The following HTR2A variants were observed in gnomAD, a reference collection of about 807,000 sequenced individuals.
HTR2A encodes the protein 5-HT2 receptor.
HTR2A carries 14 observed loss-of-function variants against 31.0 expected under a neutral mutation model. The observed-to-expected ratio is 0.45, with a 90% CI of 0.30 to 0.71. The LOEUF is 0.71. HTR2A is among the 30% of genes least tolerant of loss of function. The pLI, the probability that HTR2A is intolerant of heterozygous loss-of-function variation, is 0.09. For missense variants in HTR2A, 442 were observed against 573.3 expected (o/e 0.77, Z 2.34); for synonymous variants, 209 against 225.2 (o/e 0.93, Z 0.64).
chr13:46,884,849 T>C (rs1000392619), intron 3 of HTR2A, among the ~76,000 whole-genome samples: 1 of 151,916 alleles, frequency 6.6e-6, no homozygotes, highest in Non-Finnish European at 1.5e-5. Context: ...TATCTCCACA[T>C]ATTATCACTA....
chr13:46,863,428 C>G (rs2138216807), intron 3 of HTR2A, among the ~76,000 whole-genome samples: 1 of 151,936 alleles, frequency 6.6e-6, no homozygotes, highest in African/African-American at 2.4e-5. Context: ...TTCAAGACCA[C>G]TCTGGGCAAC....
rs1054040603 is a variant in HTR2A at position 46,831,871 on chromosome 13, G to A, written c.*2966C>T. Reference sequence around the variant, plus strand: ...AGTTAATTGCTTTTTTTTGAATATAGAGGAATCTATCATTCAACTTAAAGT... The same window carrying A: ...AGTTAATTGCTTTTTTTTGAATATAAAGGAATCTATCATTCAACTTAAAGT... On this transcript the variant is annotated 3_prime_UTR_variant, in exon 4 of 4. Coordinates refer to ENST00000542664, the MANE Select transcript of HTR2A (RefSeq NM_000621.5). 6 of 152,084 alleles carry A rather than the reference G, an allele frequency of 3.9e-5. No individual in the cohort carries two copies. The highest frequency in any genetic ancestry group is 1.4e-4 in the African/African-American group (6 of 41,394). The allele number at this position is 152,084 out of a possible 1,614,324, so 9.4% of individuals were successfully genotyped here.
chr13:46,870,678 C>G (rs1950857263), intron 3 of HTR2A, among the ~76,000 whole-genome samples: 1 of 152,122 alleles, frequency 6.6e-6, no homozygotes, highest in South Asian at 2.1e-4. Context: ...TTCAGGCTAG[C>G]TTCTCTTTAC....
chr13:46,842,870 C>T (rs1270891914), intron 3 of HTR2A, among the ~76,000 whole-genome samples: 1 of 152,186 alleles, frequency 6.6e-6, no homozygotes, highest in Non-Finnish European at 1.5e-5. Flanking sequence ...TACAGTAGTC[C>T]TCCCTTAAGC....
chr13:46,886,552 G>T (rs1483256306), intron 3 of HTR2A, among the ~76,000 whole-genome samples: 1 of 152,108 alleles, frequency 6.6e-6, no homozygotes, highest in East Asian at 1.9e-4. Context: ...AAATGAAAAG[G>T]TGAGAAAATA....
intron 3 of HTR2A, among the ~76,000 whole-genome samples, chr13:46,878,481 G>A (rs548905352): frequency 2.0e-5 from 3 of 152,292 alleles, no homozygotes; most frequent in Admixed American, 6.5e-5. Flanking sequence ...GCCCTGGGAA[G>A]CACTTCATGC....
In HTR2A at chr13:46,889,621, T is replaced by C. The variant is rs1951034854; in HGVS notation, c.613+2769A>G. Among the ~76,000 whole-genome samples the C allele has an allele frequency of 2.0e-5, 3 of 152,172 alleles. No homozygotes were observed. The South Asian group carries it at 6.2e-4, about 31-fold the overall frequency. On this transcript the variant is annotated intron_variant, in intron 3 of 3. Transcript: ENST00000542664. Reference sequence around the variant, plus strand: ...TTTACCAAGAGAGTGAACATATCAATAGCTTGAAGAGAAAATATCAATTGA... The same window carrying C: ...TTTACCAAGAGAGTGAACATATCAACAGCTTGAAGAGAAAATATCAATTGA...
intron 3 of HTR2A, among the ~76,000 whole-genome samples, chr13:46,890,785 T>C (rs1455995078): frequency 1.3e-5 from 2 of 152,066 alleles, no homozygotes; most frequent in African/African-American, 4.8e-5. Flanking sequence ...TTGCTCCCTC[T>C]GCATTAATCT....
At chr13:46,881,478 G>T (rs78054651) in intron 3 of HTR2A, among the ~76,000 whole-genome samples, 5,990 of 152,286 alleles carry the variant, frequency 0.039, 158 homozygotes, top group South Asian at 0.093. Context: ...ATGAAGTATG[G>T]CAGGAACAAA....
chr13:46,893,679 T>C (rs769073971), intron 2 of HTR2A, among the ~76,000 whole-genome samples: 1 of 152,244 alleles, frequency 6.6e-6, no homozygotes, highest in Non-Finnish European at 1.5e-5. Context: ...TAGAGTGTGC[T>C]TTATGGACAT....
At chr13:46,845,531 T>C (rs1196911697) in intron 3 of HTR2A, among the ~76,000 whole-genome samples, 2 of 151,916 alleles carry the variant, frequency 1.3e-5, no homozygotes, top group East Asian at 1.9e-4. Context: ...CAAGTAGTAA[T>C]TGAGCCTACA....
intron 3 of HTR2A, among the ~76,000 whole-genome samples, chr13:46,837,750 T>C (rs777419768): frequency 3.9e-5 from 6 of 152,232 alleles, no homozygotes; most frequent in Non-Finnish European, 7.3e-5. Flanking sequence ...TCATGTCACC[T>C]CACATTGGCC....
intron 3 of HTR2A, among the ~76,000 whole-genome samples, chr13:46,865,175 C>T (rs974540385): frequency 1.3e-5 from 2 of 152,118 alleles, no homozygotes; most frequent in Non-Finnish European, 2.9e-5. Context: ...TCACTCACTT[C>T]CTGGTATTAT....
At position 46,891,594 on chromosome 13, in the gene HTR2A, C is replaced by G. The variant is rs564411138; in HGVS notation, c.613+796G>C. The stretch of plus-strand genomic sequence containing the variant: ...TCTCTCATATTAGCGGATGCTGGCA[C>G]TGGCGTGGCCATAAACAGGTGCAAC... On this transcript the variant is annotated intron_variant, in intron 3 of 3. Coordinates refer to ENST00000542664, the MANE Select transcript of HTR2A (RefSeq NM_000621.5). Among the ~76,000 whole-genome samples the G allele has an allele frequency of 3.7e-4, 57 of 152,310 alleles. 3 individuals carry two copies. The highest frequency in any genetic ancestry group is 1.3e-3 in the African/African-American group (56 of 41,556).
intron 3 of HTR2A, among the ~76,000 whole-genome samples, chr13:46,871,926 G>A (rs1950865813): frequency 6.6e-6 from 1 of 152,192 alleles, no homozygotes; most frequent in Non-Finnish European, 1.5e-5. Flanking sequence ...TCCTGCATAA[G>A]ACATGATTTT....
In HTR2A at chr13:46,833,185, T is replaced by C. The variant is rs1427861168; in HGVS notation, c.*1652A>G. 1 of 152,150 alleles carries C rather than the reference T, an allele frequency of 6.6e-6. No individual in the cohort carries two copies. Among genetic ancestry groups the C allele is most frequent in the East Asian group, 1.9e-4 (1 of 5,194 alleles). The allele number at this position is 152,150 out of a possible 1,614,324, so 9.4% of individuals were successfully genotyped here. ...CTCAAGTGATATTTTCCCCCTCCTT[T>C]ATTTGTTTGGTGTTTATTGGTAACC... is the stretch of plus-strand genomic sequence containing the variant. On this transcript the variant is annotated 3_prime_UTR_variant, in exon 4 of 4. Coordinates refer to ENST00000542664, the MANE Select transcript of HTR2A (RefSeq NM_000621.5).
intron 3 of HTR2A, among the ~76,000 whole-genome samples, chr13:46,890,510 C>T (rs929558168): frequency 6.6e-6 from 1 of 152,162 alleles, no homozygotes; most frequent in Non-Finnish European, 1.5e-5. Context: ...CATATTGACT[C>T]CTGATTATAA....
rs1951111007 is a variant in HTR2A, at chr13:46,896,976, A to G, written c.-631T>C. ...TTCACGAGCCCCTCAAAGTCGCACA[A>G]AAGAACTGCATGGGAAAGTAGGAAG... On this transcript the variant is annotated 5_prime_UTR_variant, in exon 1 of 4. Coordinates refer to ENST00000542664, the MANE Select transcript of HTR2A (RefSeq NM_000621.5). 1.5e-6 allele frequency: 1 copy of G among 672,406 alleles called. No homozygotes were observed. The highest frequency in any genetic ancestry group is 1.8e-5 in the South Asian group (1 of 54,600). The allele number at this position is 672,406 out of a possible 1,614,324, so 41.7% of individuals were successfully genotyped here.
intron 3 of HTR2A, among the ~76,000 whole-genome samples, chr13:46,892,114 A>C (rs1301639110): frequency 6.6e-6 from 1 of 152,246 alleles, no homozygotes; most frequent in Non-Finnish European, 1.5e-5. Context: ...GAAAGTAAGA[A>C]ATAGGGAAAA....
Sources: allele counts gnomAD v4.1 joint callset (sites outside exome capture counted in the v4.1 genomes callset), GRCh38; gene constraint gnomAD v4.1.1; transcripts MANE v1.5; gene names NCBI Gene and HGNC (gene_info 2026-07-23, HGNC 2026-07-21).